PEBP4: variants seen among roughly 807,000 people sequenced by gnomAD.
PEBP4 encodes the protein phosphatidylethanolamine binding protein 4.
A neutral mutation model predicts 23.9 loss-of-function variants in PEBP4; 22 were observed. That is an observed-to-expected ratio of 0.92 (90% confidence interval 0.66 to 1.31). PEBP4 has a LOEUF of 1.31. PEBP4 is among the 40% of genes most tolerant of loss of function. The pLI, the probability that PEBP4 is intolerant of heterozygous loss-of-function variation, is 0.00. For synonymous variants in PEBP4, 112 were observed against 99.3 expected, an observed-to-expected ratio of 1.13 and a Z score of -0.76; for missense variants, 324 against 281.7, an observed-to-expected ratio of 1.15 and a Z score of -1.07.
chr8:22,833,418 G>A (rs1205737815), intron 3 of PEBP4, among the ~76,000 whole-genome samples: 2 of 152,152 alleles, frequency 1.3e-5, no homozygotes, highest in African/African-American at 4.8e-5. Context: ...TGCAACCTCC[G>A]CCTCAAGGGT....
At chr8:22,894,934 G>A (rs1239232156) in intron 3 of PEBP4, among the ~76,000 whole-genome samples, 4 of 152,096 alleles carry the variant, frequency 2.6e-5, no homozygotes, top group Non-Finnish European at 1.5e-5. Context: ...GATTCTCCCT[G>A]AGGTCGACAC....
At chr8:22,924,336 C>T (rs1382324573) in intron 2 of PEBP4, among the ~76,000 whole-genome samples, 2 of 152,100 alleles carry the variant, frequency 1.3e-5, no homozygotes, top group African/African-American at 4.8e-5. Flanking sequence ...TGCACTCCAG[C>T]CTAAGTGACA....
At chr8:22,822,088 T>C (rs1038948623) in intron 3 of PEBP4, among the ~76,000 whole-genome samples, 15 of 151,814 alleles carry the variant, frequency 9.9e-5, no homozygotes, top group African/African-American at 3.6e-4. Context: ...ATAAAGGTTG[T>C]GTCAGTATCA....
chr8:22,884,825 G>T (rs1808341764), intron 3 of PEBP4: 1 of 152,138 alleles, frequency 6.6e-6, no homozygotes, highest in Non-Finnish European at 1.5e-5. Context: ...CCTGGTCTGG[G>T]ATCTGTCTTA....
chr8:22,722,403 T>G (rs1166758683), intron 6 of PEBP4, among the ~76,000 whole-genome samples: 1 of 152,164 alleles, frequency 6.6e-6, no homozygotes, highest in African/African-American at 2.4e-5. Flanking sequence ...GTGAAACTAC[T>G]AACTAGAGAG....
intron 3 of PEBP4, among the ~76,000 whole-genome samples, chr8:22,857,493 T>C (rs115406375): frequency 0.024 from 3,619 of 152,088 alleles, 152 homozygotes; most frequent in African/African-American, 0.083. Flanking sequence ...AAGCAGTGAG[T>C]GAGATTCACA....
At chr8:22,766,284 C>G (rs1319227039) in intron 4 of PEBP4, among the ~76,000 whole-genome samples, 2 of 152,232 alleles carry the variant, frequency 1.3e-5, no homozygotes, top group Non-Finnish European at 2.9e-5. Flanking sequence ...ACCGACAGGT[C>G]ACAGGCATCT....
chr8:22,914,218 G>C (rs1012909750), intron 3 of PEBP4, among the ~76,000 whole-genome samples: 3 of 152,072 alleles, frequency 2.0e-5, no homozygotes, highest in Non-Finnish European at 4.4e-5. Flanking sequence ...CTGACTTCAA[G>C]TGATCTGCCC....
chr8:22,766,352 G>A (rs1805615177), intron 4 of PEBP4, among the ~76,000 whole-genome samples: 1 of 152,212 alleles, frequency 6.6e-6, no homozygotes, highest in African/African-American at 2.4e-5. Flanking sequence ...GTTCATAGAT[G>A]GCCTCTGACC....
chr8:22,727,728 G>A (rs1345461947), intron 4 of PEBP4, among the ~76,000 whole-genome samples: 5 of 152,076 alleles, frequency 3.3e-5, no homozygotes, highest in Admixed American at 1.3e-4. Flanking sequence ...AGCAACCAGC[G>A]GGGGAAGGGA....
intron 3 of PEBP4, among the ~76,000 whole-genome samples, chr8:22,823,465 T>C (rs1224500029): frequency 6.6e-6 from 1 of 151,898 alleles, no homozygotes; most frequent in African/African-American, 2.4e-5. Context: ...TTCTAAAATA[T>C]ACTAGTATGT....
chr8:22,887,830 C>T (rs1454628970), intron 3 of PEBP4: 1 of 152,130 alleles, frequency 6.6e-6, no homozygotes, highest in South Asian at 2.1e-4. Context: ...TAAAAAGAAA[C>T]CCTCTGAAGT....
At chr8:22,927,756 C>T in intron 1 of PEBP4, 36 bp from the exon 2 acceptor site, 1 of 1,611,200 alleles carries the variant, frequency 6.2e-7, no homozygotes, top group Non-Finnish European at 8.5e-7. Flanking sequence ...GCTGGATCCC[C>T]TGCAGGGGCC....
chr8:22,798,957 C>T (rs948134260), intron 4 of PEBP4, among the ~76,000 whole-genome samples: 1 of 151,886 alleles, frequency 6.6e-6, no homozygotes, highest in Non-Finnish European at 1.5e-5. Context: ...AGGCTGGTCT[C>T]GAACTCCTGA....
chr8:22,806,229 A>G (rs1190185547), intron 4 of PEBP4, among the ~76,000 whole-genome samples: 2 of 152,092 alleles, frequency 1.3e-5, no homozygotes, highest in African/African-American at 4.8e-5. Flanking sequence ...CATCCTTTTG[A>G]TTTGCCAAAA....
intron 4 of PEBP4, among the ~76,000 whole-genome samples, chr8:22,753,533 G>C (rs1042199972): frequency 1.3e-5 from 2 of 152,194 alleles, no homozygotes; most frequent in African/African-American, 4.8e-5. Context: ...AGTGATATTG[G>C]CGTGTTTCAT....
At chr8:22,786,331 G>A (rs997173833) in intron 4 of PEBP4, among the ~76,000 whole-genome samples, 1 of 152,158 alleles carries the variant, frequency 6.6e-6, no homozygotes, top group Non-Finnish European at 1.5e-5. Flanking sequence ...TTCCCAGGCT[G>A]GAGTACAGTG....
At chr8:22,875,837 T>C (rs1161184692) in intron 3 of PEBP4, among the ~76,000 whole-genome samples, 1 of 152,134 alleles carries the variant, frequency 6.6e-6, no homozygotes. Context: ...TGGTATTGCA[T>C]TGAGTCTTCC....
intron 4 of PEBP4, among the ~76,000 whole-genome samples, chr8:22,767,348 G>A (rs1805630499): frequency 6.6e-6 from 1 of 152,176 alleles, no homozygotes; most frequent in African/African-American, 2.4e-5. Flanking sequence ...AAAATAAAGT[G>A]CTGTGGTTTT....
Sources: allele counts gnomAD v4.1 joint callset (sites outside exome capture counted in the v4.1 genomes callset), GRCh38; gene constraint gnomAD v4.1.1; transcripts MANE v1.5; gene names NCBI Gene and HGNC (gene_info 2026-07-23, HGNC 2026-07-21).